SORCS2: variants seen among roughly 807,000 people sequenced by gnomAD.
The protein encoded by SORCS2 is sortilin related VPS10 domain containing receptor 2, also known as VPS10 domain-containing receptor SorCS2.
Under a neutral mutation model 141.6 loss-of-function variants are expected in SORCS2, and 100 were observed. That is an observed-to-expected ratio of 0.71 (90% CI 0.60 to 0.83). The LOEUF (loss-of-function observed/expected upper bound fraction) is 0.83, where lower values mean the gene tolerates loss of function less well. Ranked by LOEUF, SORCS2 falls within the 40% of genes least tolerant of loss-of-function variation. SORCS2 has a pLI of 0.00. For missense variants in SORCS2, 1,646 were observed against 1,560.2 expected, an observed-to-expected ratio of 1.05 and a Z score of -0.93; for synonymous variants, 789 against 676.9, an observed-to-expected ratio of 1.17 and a Z score of -2.57.
chr4:7,249,493 A>G (rs1191016113), intron 1 of SORCS2, among the ~76,000 whole-genome samples: 6 of 152,212 alleles, frequency 3.9e-5, no homozygotes, highest in Non-Finnish European at 8.8e-5. Context: ...GGGAGGGGAC[A>G]TATTCACCTT....
Position 7,622,866 on chromosome 4 carries a change from G to A in SORCS2, c.649-15462G>A, listed in dbSNP as rs77335622. Among the ~76,000 whole-genome samples the A allele has an allele frequency of 3.1e-3, 466 of 152,074 alleles. 2 individuals carry two copies. The highest frequency in any genetic ancestry group is 0.011 in the African/African-American group (444 of 41,468). ...GTGGTAGGAAGGAGGAGAATAACTT[G>A]ACAAAACAGACACTCATTTTTCCTG... On this transcript the variant is annotated intron_variant, in intron 3 of 26. Transcript: ENST00000507866.
chr4:7,375,880 G>A (rs577663360), intron 1 of SORCS2, among the ~76,000 whole-genome samples: 5 of 132,976 alleles, frequency 3.8e-5, no homozygotes, highest in East Asian at 3.9e-4. Context: ...CCCTACCATC[G>A]GCCGCTTGTT....
At chr4:7,560,423 CAG>C (rs1044619495) in intron 3 of SORCS2, among the ~76,000 whole-genome samples, 3 of 152,064 alleles carry the variant, frequency 2.0e-5, no homozygotes, top group African/African-American at 7.2e-5. Context: ...GTCAGGTAGA[CAG>C]GGGCTGTGCT....
chr4:7,532,264 C>T (rs1711725702), intron 3 of SORCS2, among the ~76,000 whole-genome samples: 1 of 152,208 alleles, frequency 6.6e-6, no homozygotes, highest in Admixed American at 6.5e-5. Context: ...TCCTGTGAAC[C>T]TGACTCCATT....
In SORCS2 at chr4:7,714,347, C is replaced by T. The variant is rs747928160; in HGVS notation, c.2097C>T (p.Cys699=). 1.3e-5 allele frequency: 21 copies of T among 1,561,212 alleles called. No individual in the cohort carries two copies. Among genetic ancestry groups the T allele is most frequent in the African/African-American group, 5.4e-5 (4 of 73,526 alleles). ...CGTCGGCGCTCACGTCCCGCGTGTG[C>T]GAGTGCCGGGACTCGGACTTCCTGT... is the stretch of plus-strand genomic sequence containing the variant. ...SFTSALTSRV[C]ECRDSDFLCD... The change falls in exon 16 of 27, where the codon TGC becomes TGT. Residue 699 remains cysteine, a synonymous_variant. Transcript: ENST00000507866.
intron 3 of SORCS2, among the ~76,000 whole-genome samples, 192 bp from the exon 4 acceptor site, chr4:7,638,136 G>A (rs765915762): frequency 2.4e-4 from 36 of 152,076 alleles, no homozygotes; most frequent in Non-Finnish European, 2.9e-4. Context: ...GGCTGGGGGC[G>A]GGCCCGCCAT....
In SORCS2 at chr4:7,741,221, C is replaced by T; in HGVS notation, c.*957C>T. 5.0e-6 allele frequency: 2 copies of T among 398,790 alleles called. No homozygotes were observed. 24.7% of individuals were successfully genotyped at this position (398,790 alleles called of 1,614,324 possible). A position where few individuals can be genotyped will look rare whatever the true frequency, so the allele number is the denominator to read the frequency against. ...TAGGCGAAGGGAACCGGGTGGAAAC[C>T]AAGCTGGGAGAGGCTGAGGATGGCA... is the stretch of plus-strand genomic sequence containing the variant. On this transcript the variant is annotated 3_prime_UTR_variant, in exon 27 of 27. Transcript: ENST00000507866.
At chr4:7,383,515 G>T (rs183177481) in intron 1 of SORCS2, among the ~76,000 whole-genome samples, 1 of 152,224 alleles carries the variant, frequency 6.6e-6, no homozygotes, top group Non-Finnish European at 1.5e-5. Context: ...CCAGCAGGGA[G>T]GGGGAGAGCA....
intron 3 of SORCS2, among the ~76,000 whole-genome samples, chr4:7,565,524 T>G (rs1560390531): frequency 6.6e-6 from 1 of 152,182 alleles, no homozygotes; most frequent in East Asian, 1.9e-4. Flanking sequence ...ATGATTATGA[T>G]AAAGAAGATG....
chr4:7,358,049 C>G (rs944078209), intron 1 of SORCS2, among the ~76,000 whole-genome samples: 2 of 152,180 alleles, frequency 1.3e-5, no homozygotes, highest in East Asian at 3.9e-4. Context: ...TGCGCTGGCT[C>G]AAGTTTCTAA....
chr4:7,553,774 G>C (rs892043810), intron 3 of SORCS2, among the ~76,000 whole-genome samples: 1 of 152,208 alleles, frequency 6.6e-6, no homozygotes, highest in African/African-American at 2.4e-5. Context: ...CTCAAACCTG[G>C]TGTATGTCAA....
chr4:7,253,202 C>T (rs1713622892), intron 1 of SORCS2, among the ~76,000 whole-genome samples: 1 of 152,242 alleles, frequency 6.6e-6, no homozygotes, highest in Non-Finnish European at 1.5e-5. Context: ...TATCGCCATC[C>T]CTGTCTCAGA....
Position 7,192,934 on chromosome 4 carries a change from G to A in SORCS2, c.288G>A (p.Pro96=). The change falls in exon 1 of 27, where the codon CCG becomes CCA. Residue 96 remains proline (P), a synonymous_variant. Coordinates refer to ENST00000507866, the MANE Select transcript of SORCS2 (RefSeq NM_020777.3). The surrounding 1 kb of genome is among the most constrained non-coding windows in gnomAD (Gnocchi z 4.0). ...GCACGGAGCCAGGCGCCCCGGGTCC[G>A]AGTCCCGGTCCCGCTCCTGGTCCCG... ...ARGTEPGAPG[P]SPGPAPGPGE... is the part of the protein sequence containing the mutation. The A allele has an allele frequency of 1.6e-6, 2 of 1,273,150 alleles. No homozygotes were observed. Among genetic ancestry groups the A allele is most frequent in the Non-Finnish European group, 9.9e-7 (1 of 1,013,756 alleles). The allele number at this position is 1,273,150 out of a possible 1,614,324, so 78.9% of individuals were successfully genotyped here. A position where few individuals can be genotyped will look rare whatever the true frequency, so the allele number is the denominator to read the frequency against.
intron 1 of SORCS2, among the ~76,000 whole-genome samples, chr4:7,354,863 A>G (rs1006323944): frequency 4.6e-5 from 7 of 151,972 alleles, no homozygotes; most frequent in African/African-American, 1.7e-4. Context: ...CCATGGGTGG[A>G]CTCTTTTACA....
chr4:7,321,842 G>A (rs901572556), intron 1 of SORCS2, among the ~76,000 whole-genome samples: 1 of 152,174 alleles, frequency 6.6e-6, no homozygotes, highest in African/African-American at 2.4e-5. Context: ...AATGAGCCAG[G>A]GCCTGAGGAT....
chr4:7,666,335 G>T (rs542071012), intron 7 of SORCS2, among the ~76,000 whole-genome samples: 11 of 152,238 alleles, frequency 7.2e-5, no homozygotes. Flanking sequence ...TTTGTGAGGG[G>T]CAGGAGAAGG....
At chr4:7,581,477 C>G (rs1487216796) in intron 3 of SORCS2, among the ~76,000 whole-genome samples, 1 of 152,162 alleles carries the variant, frequency 6.6e-6, no homozygotes, top group Non-Finnish European at 1.5e-5. Context: ...TAGACCCCAT[C>G]CCAGACAAAA....
intron 1 of SORCS2, among the ~76,000 whole-genome samples, chr4:7,285,778 C>T (rs540746962): frequency 5.3e-5 from 8 of 152,232 alleles, no homozygotes; most frequent in Non-Finnish European, 1.2e-4. Flanking sequence ...TTCTTTTAGT[C>T]TGGCGTGGGC....
rs1296158809 is a variant in SORCS2 at position 7,211,313 on chromosome 4, G to A, written c.480+18187G>A. Among the ~76,000 whole-genome samples, 5 of 152,168 alleles carry A rather than the reference G, an allele frequency of 3.3e-5. 1 individual carries two copies. The South Asian group carries it at 6.2e-4, about 19-fold the overall frequency. On this transcript the variant is annotated intron_variant, in intron 1 of 26. Coordinates refer to ENST00000507866, the MANE Select transcript of SORCS2 (RefSeq NM_020777.3). The stretch of plus-strand genomic sequence containing the variant: ...ATGGCAAGAAGAGCCAGGAGGGAGC[G>A]TCCACGACGGGGGGCAGGCCATGGC...
Sources: gnomAD v4.1 joint callset for allele counts (sites outside exome capture counted in the v4.1 genomes callset) on GRCh38, gnomAD v4.1.1 for gene constraint, Gnocchi (gnomAD v3.1) non-coding constraint, MANE v1.5 for transcripts, NCBI Gene and HGNC (gene_info 2026-07-23, HGNC 2026-07-21) for gene names.